AGTPBP1: variants seen among roughly 807,000 people sequenced by gnomAD.
AGTPBP1 encodes cytosolic carboxypeptidase 1.
In AGTPBP1, 70 loss-of-function variants were observed where a neutral mutation model predicts 143.9. The observed-to-expected ratio is 0.49, with a 90% confidence interval of 0.40 to 0.59. The LOEUF is 0.59. AGTPBP1 is among the 20% of genes least tolerant of loss of function. The probability of loss-of-function intolerance (pLI) is 0.00; values close to 1 mark genes in which losing one functional copy is unlikely to be tolerated. For missense variants in AGTPBP1, 1,229 were observed against 1,464.5 expected (o/e 0.84, Z 2.62); for synonymous variants, 463 against 500.2 (o/e 0.93, Z 0.99).
intron 2 of AGTPBP1, among the ~76,000 whole-genome samples, chr9:85,701,713 G>GCCCC (rs894500112): frequency 4.6e-5 from 7 of 152,112 alleles, no homozygotes; most frequent in African/African-American, 1.7e-4. Flanking sequence ...CCCTCTCCAA[G>GCCCC]CCCCCATAAC....
the AGTPBP1 span, among the ~76,000 whole-genome samples, chr9:85,782,719 G>A: frequency 6.6e-6 from 1 of 152,122 alleles, no homozygotes; most frequent in South Asian, 2.1e-4. Context: ...TATTCTGACT[G>A]CTGGTTCAGT....
intron 2 of AGTPBP1, among the ~76,000 whole-genome samples, chr9:85,697,934 T>C (rs1468960636): frequency 6.6e-6 from 1 of 152,212 alleles, no homozygotes; most frequent in Non-Finnish European, 1.5e-5. Flanking sequence ...AGAAATGATA[T>C]ATAAGTCACC....
intron 1 of AGTPBP1, among the ~76,000 whole-genome samples, chr9:85,728,021 A>G (rs1429315938): frequency 2.2e-5 from 3 of 135,392 alleles, no homozygotes; most frequent in Admixed American, 7.4e-5. Flanking sequence ...CTCAAAATAT[A>G]TATTTATATA....
chr9:85,669,420 T>C, intron 8 of AGTPBP1, 65 bp downstream of exon 8: 2 of 950,168 alleles, frequency 2.1e-6, no homozygotes, highest in Non-Finnish European at 1.6e-6. Context: ...ATTGTACATA[T>C]CAAGATAATG....
At chr9:85,728,903 T>C (rs1485548782) in intron 1 of AGTPBP1, among the ~76,000 whole-genome samples, 1 of 152,232 alleles carries the variant, frequency 6.6e-6, no homozygotes, top group Non-Finnish European at 1.5e-5. Flanking sequence ...ATAATTTTCA[T>C]GGTATATTAG....
chr9:85,622,997 G>A (rs961709693), intron 14 of AGTPBP1, among the ~76,000 whole-genome samples: 12 of 152,176 alleles, frequency 7.9e-5, no homozygotes, highest in African/African-American at 2.7e-4. Flanking sequence ...TTAGCAAAAT[G>A]TTATGAGAAG....
At chr9:85,594,744 T>C (rs1000932319) in intron 18 of AGTPBP1, among the ~76,000 whole-genome samples, 2 of 152,166 alleles carry the variant, frequency 1.3e-5, no homozygotes, top group Admixed American at 1.3e-4. Context: ...AGACAGAACC[T>C]AAATTAAAAA....
the AGTPBP1 span, among the ~76,000 whole-genome samples, chr9:85,765,329 T>C: frequency 6.6e-6 from 1 of 152,182 alleles, no homozygotes; most frequent in Non-Finnish European, 1.5e-5. Context: ...ATACAAGAGA[T>C]GCCTAAGGAA....
rs766189116 is a variant in AGTPBP1, at chr9:85,547,320, T to C, written c.3504-34A>G. On this transcript the variant is annotated intron_variant, in intron 25 of 25. Transcript: ENST00000357081. ...AAAACACACAGAACATACAAGACTTTGTGAGGTCTTAAGGTCCTAATATAA... is the reference window on the plus strand; with the variant it reads ...AAAACACACAGAACATACAAGACTTCGTGAGGTCTTAAGGTCCTAATATAA... The C allele has an allele frequency of 1.3e-5, 20 of 1,551,286 alleles. No homozygotes were observed. In the East Asian group the frequency reaches 3.3e-4, roughly 26 times the overall value.
the AGTPBP1 span, among the ~76,000 whole-genome samples, chr9:85,764,195 C>CTT: frequency 6.8e-6 from 1 of 148,094 alleles, no homozygotes; most frequent in Non-Finnish European, 1.5e-5. Flanking sequence ...TTTAAATAGA[C>CTT]TTTTTTTTTT....
At chr9:85,592,463 T>G (rs1587697593) in intron 19 of AGTPBP1, 97 bp downstream of exon 19, 1 of 810,622 alleles carries the variant, frequency 1.2e-6, no homozygotes, top group South Asian at 2.8e-5. Context: ...AACTCAATTA[T>G]TATCATTATC....
chr9:85,567,153 A>C (rs939760490), intron 25 of AGTPBP1, among the ~76,000 whole-genome samples: 2 of 152,228 alleles, frequency 1.3e-5, no homozygotes, highest in Non-Finnish European at 2.9e-5. Flanking sequence ...GACTCTACTT[A>C]AAATGAGCCT....
chr9:85,596,381 TCC>T lies in AGTPBP1; in HGVS notation c.2402_2403del (p.Gly801AspfsTer2). ...LNARPWWIRM[G>X]TDICYYKNHF... ...ACTTACTTATAGTAACAAATGTCAG[TCC>T]CCATACGAATCCACCATGGTCTGGC... On this transcript the variant is annotated frameshift_variant, in exon 18 of 26. Coordinates refer to ENST00000357081, the MANE Select transcript of AGTPBP1 (RefSeq NM_001330701.2). LOFTEE classifies it high-confidence loss of function. 1 of 1,608,724 alleles carries T rather than the reference TCC, an allele frequency of 6.2e-7. No individual in the cohort carries two copies. The highest frequency in any genetic ancestry group is 1.3e-5 in the African/African-American group (1 of 74,918).
intron 20 of AGTPBP1, 128 bp downstream of exon 20, chr9:85,589,400 C>T (rs1224504897): frequency 1.7e-5 from 21 of 1,215,614 alleles, no homozygotes; most frequent in Middle Eastern, 2.2e-4. Flanking sequence ...TAGATAATAG[C>T]AGGGCCAAGA....
chr9:85,693,541 T>C (rs1157741912), intron 2 of AGTPBP1, among the ~76,000 whole-genome samples: 1 of 152,160 alleles, frequency 6.6e-6, no homozygotes, highest in Non-Finnish European at 1.5e-5. Flanking sequence ...GAGGTTGCAG[T>C]GAGCTGAGAT....
intron 1 of AGTPBP1, among the ~76,000 whole-genome samples, chr9:85,734,981 G>A (rs900838758): frequency 1.4e-4 from 22 of 152,272 alleles, no homozygotes; most frequent in Admixed American, 1.2e-3. Context: ...GTTGCAGTGA[G>A]CTGAGATCGC....
intron 25 of AGTPBP1, among the ~76,000 whole-genome samples, chr9:85,565,906 G>A (rs1244875815): frequency 6.6e-6 from 1 of 152,122 alleles, no homozygotes; most frequent in Admixed American, 6.5e-5. Context: ...AGGTAAAATA[G>A]TGGCATACTT....
At chr9:85,573,270 G>GT (rs1291203615) in intron 25 of AGTPBP1, among the ~76,000 whole-genome samples, 1 of 152,176 alleles carries the variant, frequency 6.6e-6, no homozygotes, top group Non-Finnish European at 1.5e-5. Context: ...CGCCTGACTG[G>GT]TTTTCATATT....
chr9:85,566,056 T>C (rs183817430), intron 25 of AGTPBP1, among the ~76,000 whole-genome samples: 1 of 152,230 alleles, frequency 6.6e-6, no homozygotes, highest in East Asian at 1.9e-4. Context: ...GCTACCTACC[T>C]CTTATTCAAC....
Sources: allele counts gnomAD v4.1 joint callset (sites outside exome capture counted in the v4.1 genomes callset), GRCh38; gene constraint gnomAD v4.1.1; transcripts MANE v1.5; gene names NCBI Gene and HGNC (gene_info 2026-07-23, HGNC 2026-07-21).